The following XRCC4 variants were observed in gnomAD, a reference collection of about 807,000 sequenced individuals.
The protein encoded by XRCC4 is X-ray repair cross complementing 4.
In XRCC4, 28 loss-of-function variants were observed where a neutral mutation model predicts 39.1. That is an observed-to-expected ratio of 0.72 (90% CI 0.53 to 0.98). XRCC4 has a LOEUF of 0.98. Ranked by LOEUF, XRCC4 falls within the 50% of genes least tolerant of loss-of-function variation. The pLI, the probability that XRCC4 is intolerant of heterozygous loss-of-function variation, is 0.00. For synonymous variants in XRCC4, 123 were observed against 126.4 expected (o/e 0.97, Z 0.18); for missense variants, 350 against 376.4 (o/e 0.93, Z 0.58).
intron 4 of XRCC4, among the ~76,000 whole-genome samples, chr5:83,198,690 T>A (rs1164163056): frequency 6.6e-6 from 1 of 152,126 alleles, no homozygotes; most frequent in African/African-American, 2.4e-5. Context: ...TGGTGGAGAA[T>A]AAACACTTGA....
rs576134692 is a variant in XRCC4, at chr5:83,234,046, G to A, written c.746-24484G>A. Among the ~76,000 whole-genome samples the A allele has an allele frequency of 1.1e-3, 162 of 152,108 alleles. 1 individual carries two copies. The highest frequency in any genetic ancestry group is 3.7e-3 in the African/African-American group (155 of 41,492). ...GCTCACGAATACAGGCGTTTTATAC[G>A]AACATCTCTAAATCTCACTTTTTTA... On this transcript the variant is annotated intron_variant, in intron 6 of 7. Transcript: ENST00000396027.
intron 3 of XRCC4, among the ~76,000 whole-genome samples, chr5:83,137,713 T>A (rs1050606967): frequency 2.0e-5 from 3 of 152,158 alleles, no homozygotes; most frequent in African/African-American, 7.2e-5. Flanking sequence ...AGTACTGGCC[T>A]TAGGAGGTGG....
At chr5:83,264,462 G>A (rs1316238234) in intron 7 of XRCC4, among the ~76,000 whole-genome samples, 2 of 151,924 alleles carry the variant, frequency 1.3e-5, no homozygotes, top group African/African-American at 4.8e-5. Flanking sequence ...AAACAGTGAG[G>A]GGGTCAGAGT....
At chr5:83,368,919 C>G in the XRCC4 span, among the ~76,000 whole-genome samples, 85 of 152,060 alleles carry the variant, frequency 5.6e-4, no homozygotes, top group Non-Finnish European at 1.0e-3. Flanking sequence ...GAATATTAAC[C>G]AGAAAACTCA....
chr5:83,157,372 T>G (rs28360089), intron 3 of XRCC4, among the ~76,000 whole-genome samples: 1 of 152,214 alleles, frequency 6.6e-6, no homozygotes, highest in East Asian at 1.9e-4. Context: ...CCAGAGTAAC[T>G]GTTACTCTGT....
chr5:83,081,025 A>T (rs1378567692), intron 1 of XRCC4, among the ~76,000 whole-genome samples: 1 of 152,224 alleles, frequency 6.6e-6, no homozygotes, highest in Non-Finnish European at 1.5e-5. Context: ...CTTAGTTAAG[A>T]TAAAAAAGGA....
At chr5:83,178,343 T>C (rs1169435833) in intron 3 of XRCC4, among the ~76,000 whole-genome samples, 1 of 152,100 alleles carries the variant, frequency 6.6e-6, no homozygotes, top group Non-Finnish European at 1.5e-5. Context: ...AGCATATTGT[T>C]GGTGGGTGAA....
chr5:83,217,483 G>T (rs867122516), intron 6 of XRCC4, among the ~76,000 whole-genome samples: 1 of 151,856 alleles, frequency 6.6e-6, no homozygotes, highest in Non-Finnish European at 1.5e-5. Flanking sequence ...TAATCCGGAG[G>T]GTAATGAAAT....
intron 3 of XRCC4, among the ~76,000 whole-genome samples, chr5:83,184,731 A>G (rs1750359013): frequency 6.6e-6 from 1 of 152,102 alleles, no homozygotes; most frequent in African/African-American, 2.4e-5. Context: ...GCAACAGCAA[A>G]CAGTGATCCC....
chr5:83,340,875 C>T (rs1187220097), intron 7 of XRCC4, among the ~76,000 whole-genome samples: 1 of 152,208 alleles, frequency 6.6e-6, no homozygotes, highest in African/African-American at 2.4e-5. Context: ...AAATCACTAA[C>T]CTCCATGGCT....
chr5:83,331,284 A>G (rs1756430152), intron 7 of XRCC4, among the ~76,000 whole-genome samples: 2 of 152,274 alleles, frequency 1.3e-5, no homozygotes, highest in Non-Finnish European at 2.9e-5. Flanking sequence ...CAAGGTAGAC[A>G]ACTTTATAAA....
chr5:83,345,190 T>C (rs1756881733), intron 7 of XRCC4, among the ~76,000 whole-genome samples: 1 of 152,178 alleles, frequency 6.6e-6, no homozygotes, highest in Non-Finnish European at 1.5e-5. Context: ...CTTTAAGGTA[T>C]CTGTTGATAA....
chr5:83,309,296 A>AAT (rs1225850304), intron 7 of XRCC4, among the ~76,000 whole-genome samples: 819 of 72,198 alleles, frequency 0.011, 13 homozygotes, highest in African/African-American at 0.022. Context: ...AAAAAAAAAA[A>AAT]ATATATATAT....
intron 7 of XRCC4, among the ~76,000 whole-genome samples, chr5:83,328,475 C>T (rs1346625844): frequency 6.6e-6 from 1 of 152,038 alleles, no homozygotes; most frequent in Admixed American, 6.6e-5. Flanking sequence ...ACATCAGCAT[C>T]AGAGTTAGAA....
chr5:83,333,030 C>T (rs998457589), intron 7 of XRCC4, among the ~76,000 whole-genome samples: 6 of 152,034 alleles, frequency 3.9e-5, no homozygotes, highest in African/African-American at 1.4e-4. Flanking sequence ...CTAAGGAGAA[C>T]ATTTAATACT....
intron 3 of XRCC4, among the ~76,000 whole-genome samples, chr5:83,154,114 C>G (rs1748844986): frequency 6.6e-6 from 1 of 152,108 alleles, no homozygotes. Context: ...TATGAATTGG[C>G]CTTTTTGCTA....
chr5:83,131,123 C>G (rs1433330537), intron 3 of XRCC4, among the ~76,000 whole-genome samples: 1 of 152,120 alleles, frequency 6.6e-6, no homozygotes, highest in African/African-American at 2.4e-5. Context: ...ATAAATTTCC[C>G]TCTACACATT....
the XRCC4 span, among the ~76,000 whole-genome samples, chr5:83,371,146 T>C: frequency 6.6e-6 from 1 of 152,280 alleles, no homozygotes; most frequent in African/African-American, 2.4e-5. Flanking sequence ...TTGTCTTGAG[T>C]ATCCCTTCTC....
At chr5:83,099,395 C>T (rs1180517346) in intron 1 of XRCC4, among the ~76,000 whole-genome samples, 1 of 152,152 alleles carries the variant, frequency 6.6e-6, no homozygotes, top group Non-Finnish European at 1.5e-5. Flanking sequence ...CTTGAGCTGA[C>T]CTAAAAGAGA....
Sources: allele counts gnomAD v4.1 joint callset (sites outside exome capture counted in the v4.1 genomes callset), GRCh38; gene constraint gnomAD v4.1.1; transcripts MANE v1.5; gene names NCBI Gene and HGNC (gene_info 2026-07-23, HGNC 2026-07-21).